CDYL2: variants seen among roughly 807,000 people sequenced by gnomAD.
The protein encoded by CDYL2 is chromodomain Y like 2.
CDYL2 carries 23 observed loss-of-function variants against 49.4 expected under a neutral mutation model. The ratio of observed to expected loss-of-function variants is 0.47; its 90% CI spans 0.34 to 0.66. CDYL2 has a LOEUF of 0.66. CDYL2 is among the 30% of genes least tolerant of loss of function. The probability of loss-of-function intolerance (pLI) is 0.01; values close to 1 mark genes in which losing one functional copy is unlikely to be tolerated. For synonymous variants in CDYL2, 360 were observed against 268.8 expected (o/e 1.34, Z -3.32); for missense variants, 678 against 656.4 (o/e 1.03, Z -0.36).
intron 2 of CDYL2, among the ~76,000 whole-genome samples, chr16:80,649,273 AT>A (rs1418392056): frequency 1.3e-5 from 2 of 152,160 alleles, no homozygotes; most frequent in African/African-American, 4.8e-5. Flanking sequence ...ATTAGAACCA[AT>A]AAATTCAGTA....
At chr16:80,637,881 T>C (rs1424004241) in intron 2 of CDYL2, among the ~76,000 whole-genome samples, 3 of 152,196 alleles carry the variant, frequency 2.0e-5, no homozygotes, top group Middle Eastern at 3.2e-3. Context: ...ATTCCAAAAA[T>C]ATGTACAACT....
At position 80,599,505 on chromosome 16, in the gene CDYL2, T is replaced by C. The variant is rs1376257244; in HGVS notation, c.*4883A>G. The C allele has an allele frequency of 6.6e-6, 1 of 152,220 alleles. No homozygotes were observed. Among genetic ancestry groups the C allele is most frequent in the Non-Finnish European group, 1.5e-5 (1 of 68,036 alleles). 9.4% of individuals were successfully genotyped at this position (152,220 alleles called of 1,614,324 possible). A position where few individuals can be genotyped will look rare whatever the true frequency, so the allele number is the denominator to read the frequency against. The stretch of plus-strand genomic sequence containing the variant: ...CTGATATGTTATGTTCTACATTTAG[T>C]TTGCCTTTGTCCTGCTAAACTCCAG... On this transcript the variant is annotated 3_prime_UTR_variant, in exon 7 of 7. Transcript: ENST00000570137.
intron 1 of CDYL2, among the ~76,000 whole-genome samples, chr16:80,717,296 GT>G (rs894301284): frequency 6.6e-6 from 1 of 152,204 alleles, no homozygotes; most frequent in African/African-American, 2.4e-5. Context: ...AGACTGCCTT[GT>G]ATGTCCTCTA....
intron 1 of CDYL2, among the ~76,000 whole-genome samples, chr16:80,724,439 A>G (rs1462027237): frequency 6.6e-6 from 1 of 152,100 alleles, no homozygotes; most frequent in African/African-American, 2.4e-5. Context: ...TCTCTCAAAG[A>G]AAAAATCTGT....
chr16:80,799,098 G>T lies in CDYL2; in HGVS notation c.24+5052C>A, dbSNP rs567802621. On this transcript the variant is annotated intron_variant, in intron 1 of 6. Coordinates refer to ENST00000570137, the MANE Select transcript of CDYL2 (RefSeq NM_152342.4). ...AATATGTACCCAGTATCCCGATTTG[G>T]TTTTTTTAAATTACATAAACATGTG... is the stretch of plus-strand genomic sequence containing the variant. 1.7e-4 allele frequency among the ~76,000 whole-genome samples: 26 copies of T among 151,732 alleles called. No homozygotes were observed. In the East Asian group the frequency reaches 5.0e-3, roughly 29 times the overall value.
At chr16:80,641,494 GA>G (rs917768000) in intron 2 of CDYL2, among the ~76,000 whole-genome samples, 69 of 152,018 alleles carry the variant, frequency 4.5e-4, no homozygotes, top group African/African-American at 1.6e-3. Flanking sequence ...ATGCCTAAAG[GA>G]AGCACTTCAA....
chr16:80,650,495 AG>A (rs1459196753), intron 2 of CDYL2, among the ~76,000 whole-genome samples: 1 of 152,192 alleles, frequency 6.6e-6, no homozygotes. Flanking sequence ...TGTGGAGAAA[AG>A]GGAACTCTCA....
chr16:80,673,094 G>A (rs1909597712), intron 2 of CDYL2, among the ~76,000 whole-genome samples: 3 of 151,904 alleles, frequency 2.0e-5, no homozygotes, highest in Admixed American at 2.0e-4. Context: ...GAGGTGGGTG[G>A]ATCACTTGAG....
intron 3 of CDYL2, 46 bp downstream of exon 3, chr16:80,632,973 G>T: frequency 6.4e-7 from 1 of 1,560,220 alleles, no homozygotes; most frequent in Non-Finnish European, 8.8e-7. Context: ...TGAGTGAGAA[G>T]GAGCCACAGC....
At chr16:80,771,308 G>C (rs1262985188) in intron 1 of CDYL2, among the ~76,000 whole-genome samples, 3 of 152,130 alleles carry the variant, frequency 2.0e-5, no homozygotes, top group African/African-American at 7.2e-5. Flanking sequence ...AATAGCCCAG[G>C]GTCTAGGGGG....
At chr16:80,719,389 T>C (rs527709118) in intron 1 of CDYL2, among the ~76,000 whole-genome samples, 1 of 152,162 alleles carries the variant, frequency 6.6e-6, no homozygotes, top group Non-Finnish European at 1.5e-5. Flanking sequence ...AGTTGCTGTA[T>C]TAAGTGAGTG....
intron 1 of CDYL2, among the ~76,000 whole-genome samples, chr16:80,685,804 G>A (rs1910166818): frequency 6.6e-6 from 1 of 152,276 alleles, no homozygotes; most frequent in Admixed American, 6.5e-5. Context: ...CAGAACTGGG[G>A]TTTGAACCAC....
intron 5 of CDYL2, among the ~76,000 whole-genome samples, chr16:80,611,768 G>C (rs537004115): frequency 1.3e-5 from 2 of 152,166 alleles, no homozygotes; most frequent in African/African-American, 4.8e-5. Flanking sequence ...CGTGGACGGC[G>C]TTGACAGCCC....
intron 1 of CDYL2, among the ~76,000 whole-genome samples, chr16:80,793,148 G>A (rs781059167): frequency 3.9e-5 from 6 of 152,114 alleles, no homozygotes; most frequent in Non-Finnish European, 5.9e-5. Context: ...AATCTAAAAC[G>A]GACAGTATAT....
chr16:80,757,545 A>AT (rs1303442859), intron 1 of CDYL2, among the ~76,000 whole-genome samples: 6 of 145,106 alleles, frequency 4.1e-5, no homozygotes, highest in Non-Finnish European at 8.9e-5. Flanking sequence ...TCTCAAAAAA[A>AT]AAAAAAAAAT....
chr16:80,624,948 T>A (rs1186838680), intron 3 of CDYL2, among the ~76,000 whole-genome samples: 1 of 151,934 alleles, frequency 6.6e-6, no homozygotes, highest in Non-Finnish European at 1.5e-5. Flanking sequence ...AAGACAAGAA[T>A]GCTAAGATTT....
At chr16:80,636,609 G>A (rs369727896) in intron 2 of CDYL2, among the ~76,000 whole-genome samples, 1 of 152,190 alleles carries the variant, frequency 6.6e-6, no homozygotes, top group Non-Finnish European at 1.5e-5. Context: ...TTTGGTGGGA[G>A]TGTAAATTAC....
chr16:80,702,573 C>T lies in CDYL2; in HGVS notation c.25-17444G>A, dbSNP rs1473893618. Among the ~76,000 whole-genome samples the T allele has an allele frequency of 3.9e-5, 6 of 152,058 alleles. No homozygotes were observed. In the East Asian group the frequency reaches 9.6e-4, roughly 24 times the overall value. On this transcript the variant is annotated intron_variant, in intron 1 of 6. Coordinates refer to ENST00000570137, the MANE Select transcript of CDYL2 (RefSeq NM_152342.4). ...CAGACCATCCTGCGCAACAGAGTGA[C>T]AACCCATCTCTACAAAAAATTTAAA...
chr16:80,672,690 T>A (rs767371284), intron 2 of CDYL2, among the ~76,000 whole-genome samples: 1 of 152,210 alleles, frequency 6.6e-6, no homozygotes, highest in Non-Finnish European at 1.5e-5. Context: ...GCAGGCCAGC[T>A]GCCTAACTAA....
Sources: gnomAD v4.1 joint callset for allele counts (sites outside exome capture counted in the v4.1 genomes callset) on GRCh38, gnomAD v4.1.1 for gene constraint, MANE v1.5 for transcripts, NCBI Gene and HGNC (gene_info 2026-07-23, HGNC 2026-07-21) for gene names.